The following ZNF740 variants were observed in gnomAD, a reference collection of about 807,000 sequenced individuals.
ZNF740 encodes the protein oriLyt TD-element-binding protein 7.
Under a neutral mutation model 24.8 loss-of-function variants are expected in ZNF740, and 14 were observed. The ratio of observed to expected loss-of-function variants is 0.56; its 90% CI spans 0.37 to 0.88. ZNF740 has a LOEUF of 0.88. Among genes scored for constraint, ZNF740 ranks in the 40% least tolerant of loss-of-function variants. The pLI, the probability that ZNF740 is intolerant of heterozygous loss-of-function variation, is 0.00. For missense variants in ZNF740, 201 were observed against 247.9 expected, an observed-to-expected ratio of 0.81 and a Z score of 1.27; for synonymous variants, 69 against 84.0, an observed-to-expected ratio of 0.82 and a Z score of 0.98.
Position 53,194,804 on chromosome 12 carries a change from C to G in ZNF740, c.*7214C>G, listed in dbSNP as rs192435749. On this transcript the variant is annotated 3_prime_UTR_variant, in exon 7 of 7. Transcript: ENST00000416904. ...TACAGCCTAGTTGCAGAGGTAAGAC[C>G]TAAACCACTAAGAATTTTTATGGTT... The G allele has an allele frequency of 1.2e-5, 2 of 171,348 alleles. No individual in the cohort carries two copies. The highest frequency in any genetic ancestry group is 2.6e-5 in the Non-Finnish European group (2 of 78,316). The allele number at this position is 171,348 out of a possible 1,614,324, so 10.6% of individuals were successfully genotyped here.
chr12:53,185,160 A>C (rs1261729128), intron 3 of ZNF740, 120 bp downstream of exon 3: 8 of 1,467,856 alleles, frequency 5.5e-6, no homozygotes, highest in African/African-American at 1.4e-5. Flanking sequence ...AGGGGATCCA[A>C]CTGGGGAATG....
rs763328964 is a variant in ZNF740, at chr12:53,187,547, A to T, written c.539A>T (p.Gln180Leu). Residue 180 changes from glutamine (Q) to leucine (L), a missense_variant, in exon 7 of 7, where the codon CAA (glutamine) becomes CTA (leucine). Gln to Leu is a moderately radical substitution (Grantham distance 113). This residue lies in a region of ZNF740 where 24 missense variants were observed against 17.8 expected (regional missense o/e 1.35). Coordinates refer to ENST00000416904, the MANE Select transcript of ZNF740 (RefSeq NM_001004304.4). Reference sequence around the variant, plus strand: ...TTACTCAGACACAAACGGATGTGCCAAGGGTGCCAGTCCAAGACTTCCGAC... The same window carrying T: ...TTACTCAGACACAAACGGATGTGCCTAGGGTGCCAGTCCAAGACTTCCGAC... ...DRLLRHKRMC[Q>L]GCQSKTSDGQ... 24 of 1,614,020 alleles carry T rather than the reference A, an allele frequency of 1.5e-5. No homozygotes were observed. The Admixed American group carries it at 4.0e-4, about 27-fold the overall frequency.
chr12:53,192,246 T>C lies in ZNF740; in HGVS notation c.*4656T>C, dbSNP rs1196933989. On this transcript the variant is annotated 3_prime_UTR_variant, in exon 7 of 7. Coordinates refer to ENST00000416904, the MANE Select transcript of ZNF740 (RefSeq NM_001004304.4). ...AGTTCTGCTTCAGCCCCCAGCCTGT[T>C]TCCCATTATCTTCACTCTGCATCCC... 2 of 1,440,210 alleles carry C rather than the reference T, an allele frequency of 1.4e-6. No individual in the cohort carries two copies. The highest frequency in any genetic ancestry group is 1.9e-6 in the Non-Finnish European group (2 of 1,033,418). The allele number at this position is 1,440,210 out of a possible 1,614,324, so 89.2% of individuals were successfully genotyped here.
chr12:53,193,052 T>C lies in ZNF740; in HGVS notation c.*5462T>C. 10 of 1,403,250 alleles carry C rather than the reference T, an allele frequency of 7.1e-6. No individual in the cohort carries two copies. Among genetic ancestry groups the C allele is most frequent in the Non-Finnish European group, 9.9e-6 (10 of 1,013,666 alleles). The allele number at this position is 1,403,250 out of a possible 1,614,324, so 86.9% of individuals were successfully genotyped here. A position where few individuals can be genotyped will look rare whatever the true frequency, so the allele number is the denominator to read the frequency against. On this transcript the variant is annotated 3_prime_UTR_variant, in exon 7 of 7. Transcript: ENST00000416904. ...ACCCATACACCGGAATCTTTTGATATTTGCCTTCCATGCCAGGAGATTCCC... is the reference window on the plus strand; with the variant it reads ...ACCCATACACCGGAATCTTTTGATACTTGCCTTCCATGCCAGGAGATTCCC...
chr12:53,181,084 T>TCGCGCGCACGCAC (rs1941597996), intron 1 of ZNF740: 2 of 870,780 alleles, frequency 2.3e-6, no homozygotes, highest in African/African-American at 3.6e-5. Context: ...CGAGCACGCA[T>TCGCGCGCACGCAC]CTCGCGCGCT....
chr12:53,186,167 TG>T (rs1444076529), intron 5 of ZNF740, 90 bp downstream of exon 5: 2 of 1,473,114 alleles, frequency 1.4e-6, no homozygotes, highest in Non-Finnish European at 1.8e-6. Flanking sequence ...TTTATTTTAA[TG>T]GGTAAGTATT....
Position 53,192,405 on chromosome 12 carries a change from C to A in ZNF740, c.*4815C>A. On this transcript the variant is annotated 3_prime_UTR_variant, in exon 7 of 7. Coordinates refer to ENST00000416904, the MANE Select transcript of ZNF740 (RefSeq NM_001004304.4). Reference sequence around the variant, plus strand: ...ACCAAGAAGAAGAACAGCTGGTTGTCCAGGGTCCGCTCTTTGCACCAGCCA... The same window carrying A: ...ACCAAGAAGAAGAACAGCTGGTTGTACAGGGTCCGCTCTTTGCACCAGCCA... 1 of 1,614,134 alleles carries A rather than the reference C, an allele frequency of 6.2e-7. No individual in the cohort carries two copies. Among genetic ancestry groups the A allele is most frequent in the Non-Finnish European group, 8.5e-7 (1 of 1,180,018 alleles).
Position 53,193,157 on chromosome 12 carries a change from T to G in ZNF740, c.*5567T>G. Reference sequence around the variant, plus strand: ...CCAGGTACCTCCGCAGAGGATGCCCTCATGTCGCTCACAGCTGGCATCGTC... The same window carrying G: ...CCAGGTACCTCCGCAGAGGATGCCCGCATGTCGCTCACAGCTGGCATCGTC... On this transcript the variant is annotated 3_prime_UTR_variant, in exon 7 of 7. Transcript: ENST00000416904. 1 of 1,611,674 alleles carries G rather than the reference T, an allele frequency of 6.2e-7. No individual in the cohort carries two copies.
chr12:53,181,027 C>T (rs1466450139), intron 1 of ZNF740, 190 bp downstream of exon 1: 4 of 866,726 alleles, frequency 4.6e-6, no homozygotes, highest in East Asian at 1.2e-4. Context: ...CCGCGCGTCC[C>T]GCCGCGTCCC....
In ZNF740 at chr12:53,191,482, C is replaced by G. The variant is rs2120379154; in HGVS notation, c.*3892C>G. 4 of 1,209,584 alleles carry G rather than the reference C, an allele frequency of 3.3e-6. No homozygotes were observed. The East Asian group carries it at 9.3e-5, about 28-fold the overall frequency. 74.9% of individuals were successfully genotyped at this position (1,209,584 alleles called of 1,614,324 possible). On this transcript the variant is annotated 3_prime_UTR_variant, in exon 7 of 7. Coordinates refer to ENST00000416904, the MANE Select transcript of ZNF740 (RefSeq NM_001004304.4). ...AGTCCCCTACCAAGGTCTTACAGAC[C>G]CACCCTTCCTCTCACCCTCCAGTTC...
Position 53,192,182 on chromosome 12 carries a change from C to G in ZNF740, c.*4592C>G. On this transcript the variant is annotated 3_prime_UTR_variant, in exon 7 of 7. Coordinates refer to ENST00000416904, the MANE Select transcript of ZNF740 (RefSeq NM_001004304.4). ...TCACCGCCCAGGGCCTTAGCCTCGTCCACTTGCTCAATTGCCTCTGCCTTT... is the reference window on the plus strand; with the variant it reads ...TCACCGCCCAGGGCCTTAGCCTCGTGCACTTGCTCAATTGCCTCTGCCTTT... 2 of 1,194,628 alleles carry G rather than the reference C, an allele frequency of 1.7e-6. No individual in the cohort carries two copies. Among genetic ancestry groups the G allele is most frequent in the Non-Finnish European group, 2.4e-6 (2 of 847,680 alleles). 74.0% of individuals were successfully genotyped at this position (1,194,628 alleles called of 1,614,324 possible). A position where few individuals can be genotyped will look rare whatever the true frequency, so the allele number is the denominator to read the frequency against.
At position 53,193,787 on chromosome 12, in the gene ZNF740, C is replaced by G; in HGVS notation, c.*6197C>G. 6.2e-7 allele frequency: 1 copy of G among 1,614,068 alleles called. No homozygotes were observed. Among genetic ancestry groups the G allele is most frequent in the Non-Finnish European group, 8.5e-7 (1 of 1,179,974 alleles). ...GGCTGGGTGTCACTGCAATTACAGT[C>G]ACACAGCGTGTGCAACTCCACAATC... On this transcript the variant is annotated 3_prime_UTR_variant, in exon 7 of 7. Transcript: ENST00000416904.
Position 53,193,284 on chromosome 12 carries a change from G to A in ZNF740, c.*5694G>A, listed in dbSNP as rs942846386. The A allele has an allele frequency of 1.6e-5, 26 of 1,613,102 alleles. No individual in the cohort carries two copies. The highest frequency in any genetic ancestry group is 4.0e-5 in the African/African-American group (3 of 74,900). On this transcript the variant is annotated 3_prime_UTR_variant, in exon 7 of 7. Coordinates refer to ENST00000416904, the MANE Select transcript of ZNF740 (RefSeq NM_001004304.4). Reference sequence around the variant, plus strand: ...AGGGGCCCTGTGCCATTGGGAGCCCGGCACCCAGATTCCAGGTCTGGGGAG... The same window carrying A: ...AGGGGCCCTGTGCCATTGGGAGCCCAGCACCCAGATTCCAGGTCTGGGGAG...
rs1299710944 is a variant in ZNF740 at position 53,190,808 on chromosome 12, T to C, written c.*3218T>C. 2 of 152,154 alleles carry C rather than the reference T, an allele frequency of 1.3e-5. No individual in the cohort carries two copies. The highest frequency in any genetic ancestry group is 4.8e-5 in the African/African-American group (2 of 41,392). The allele number at this position is 152,154 out of a possible 1,614,324, so 9.4% of individuals were successfully genotyped here. ...CTTTTTACCATTAAAGTGCAGTGTA[T>C]GTTCCTTCGTGATATATTTAGGATA... On this transcript the variant is annotated 3_prime_UTR_variant, in exon 7 of 7. Transcript: ENST00000416904.
At chr12:53,186,577 C>A in intron 6 of ZNF740, 68 bp downstream of exon 6, 2 of 1,294,782 alleles carry the variant, frequency 1.5e-6, no homozygotes, top group Non-Finnish European at 2.2e-6. Context: ...GGCCACCCTC[C>A]ACTCCTGCCT....
Position 53,192,838 on chromosome 12 carries a change from C to G in ZNF740, c.*5248C>G. 6.2e-7 allele frequency: 1 copy of G among 1,614,226 alleles called. No individual in the cohort carries two copies. Among genetic ancestry groups the G allele is most frequent in the Non-Finnish European group, 8.5e-7 (1 of 1,180,060 alleles). On this transcript the variant is annotated 3_prime_UTR_variant, in exon 7 of 7. Coordinates refer to ENST00000416904, the MANE Select transcript of ZNF740 (RefSeq NM_001004304.4). ...GGGACTGATGCAACTGTCCATGTCCCCACTGCATTCGCATGCTCTGCCCGT... is the reference window on the plus strand; with the variant it reads ...GGGACTGATGCAACTGTCCATGTCCGCACTGCATTCGCATGCTCTGCCCGT...
At chr12:53,185,295 C>G (rs1941801939) in intron 3 of ZNF740, 92 bp from the exon 4 acceptor site, 1 of 1,390,922 alleles carries the variant, frequency 7.2e-7, no homozygotes, top group African/African-American at 1.4e-5. Flanking sequence ...AGGTGGTTTA[C>G]TCTCATTTAT....
intron 2 of ZNF740, among the ~76,000 whole-genome samples, chr12:53,182,445 A>G (rs1565688723): frequency 6.6e-6 from 1 of 152,144 alleles, no homozygotes; most frequent in Non-Finnish European, 1.5e-5. Flanking sequence ...GAGGGATGGA[A>G]AGCCATTTAT....
chr12:53,182,420 T>C (rs1340132974), intron 2 of ZNF740, among the ~76,000 whole-genome samples: 1 of 152,148 alleles, frequency 6.6e-6, no homozygotes, highest in Non-Finnish European at 1.5e-5. Context: ...GCTTCCAGGC[T>C]AGTTGGGGTC....
Sources: gnomAD v4.1 joint callset for allele counts (sites outside exome capture counted in the v4.1 genomes callset) on GRCh38, gnomAD v4.1.1 for gene constraint, gnomAD v4.1.1 regional missense constraint, MANE v1.5 for transcripts, NCBI Gene and HGNC (gene_info 2026-07-23, HGNC 2026-07-21) for gene names.